RP1: variants seen among roughly 807,000 people sequenced by gnomAD.
RP1 encodes RP1 axonemal microtubule associated.
In RP1, 16 loss-of-function variants were observed where a neutral mutation model predicts 14.8. The observed-to-expected ratio is 1.08, with a 90% CI of 0.73 to 1.65. The LOEUF is 1.65. Ranked by LOEUF, RP1 falls within the 40% of genes most tolerant of loss-of-function variation. The pLI is 0.00. For synonymous variants in RP1, 876 were observed against 883.6 expected (o/e 0.99, Z 0.15); for missense variants, 2,631 against 2,535.0 (o/e 1.04, Z -0.81).
chr8:54,794,489 GAAATAT>G (rs998827709), intron 24 of RP1, among the ~76,000 whole-genome samples: 18 of 122,822 alleles, frequency 1.5e-4, no homozygotes, highest in African/African-American at 4.5e-4. Flanking sequence ...GCACAATGGG[GAAATAT>G]TACCTTTTTC....
intron 1 of RP1, among the ~76,000 whole-genome samples, chr8:54,605,446 G>A (rs1445669940): frequency 2.6e-5 from 4 of 152,094 alleles, no homozygotes; most frequent in African/African-American, 7.2e-5. Context: ...GCTGAGAAGT[G>A]CTTTACTTCC....
At chr8:54,761,495 C>A (rs1360639317) in intron 22 of RP1, among the ~76,000 whole-genome samples, 1 of 152,060 alleles carries the variant, frequency 6.6e-6, no homozygotes, top group African/African-American at 2.4e-5. Flanking sequence ...CCTTAACCTC[C>A]CAAACTGCTG....
chr8:54,802,361 T>C (rs1810733478), intron 24 of RP1, among the ~76,000 whole-genome samples: 1 of 152,188 alleles, frequency 6.6e-6, no homozygotes, highest in Admixed American at 6.5e-5. Context: ...AATGGATCCA[T>C]AAAAGACTGT....
chr8:54,751,209 A>G (rs553068295), intron 19 of RP1, among the ~76,000 whole-genome samples: 3 of 152,340 alleles, frequency 2.0e-5, no homozygotes, highest in Non-Finnish European at 4.4e-5. Context: ...CTAATCATTT[A>G]TAGTTTACAA....
chr8:54,769,790 T>A, exon 23 of RP1: 1 of 1,533,940 alleles, frequency 6.5e-7, no homozygotes. Context: ...AATTGAACTT[T>A]ATCTTCAAGG....
intron 17 of RP1, chr8:54,734,429 C>A: frequency 1.1e-6 from 1 of 889,670 alleles, no homozygotes; most frequent in Non-Finnish European, 1.7e-6. Context: ...GCAGTGCCTC[C>A]TGCTTGCTTC....
chr8:54,630,072 G>C lies in RP1; in HGVS notation c.6190G>C (p.Ala2064Pro). 6.2e-7 allele frequency: 1 copy of C among 1,613,950 alleles called. No homozygotes were observed. The highest frequency in any genetic ancestry group is 8.5e-7 in the Non-Finnish European group (1 of 1,179,932). Reference protein sequence around the residue: ...LSGQTNEIFKAVDENNNLLNN... With the variant: ...LSGQTNEIFKPVDENNNLLNN... ...CGGTCAGACAAATGAAATCTTTAAA[G>C]CAGTCGATGAGAATAACAACTTATT... Residue 2064 changes from alanine to proline, a missense_variant, in exon 4 of 4, where the codon GCA becomes CCA. By Grantham distance (27) the Ala-to-Pro change is conservative. Coordinates refer to ENST00000220676, the MANE Select transcript of RP1 (RefSeq NM_006269.2).
chr8:54,746,903 G>A (rs1809238208), intron 19 of RP1, among the ~76,000 whole-genome samples: 5 of 152,120 alleles, frequency 3.3e-5, no homozygotes. Context: ...CATCCAACCT[G>A]CTTCTCCTTT....
intron 24 of RP1, among the ~76,000 whole-genome samples, chr8:54,831,536 G>C (rs888633694): frequency 6.7e-6 from 1 of 149,638 alleles, no homozygotes; most frequent in African/African-American, 2.5e-5. Flanking sequence ...TTTAAAAAGT[G>C]CTATCCCATT....
At chr8:54,830,146 T>C (rs972397070) in intron 24 of RP1, among the ~76,000 whole-genome samples, 13 of 152,174 alleles carry the variant, frequency 8.5e-5, no homozygotes, top group East Asian at 5.8e-4. Flanking sequence ...CCAAATATGA[T>C]TGCGTATTAG....
At chr8:54,840,736 C>A (rs1254445806) in intron 25 of RP1, among the ~76,000 whole-genome samples, 1 of 151,822 alleles carries the variant, frequency 6.6e-6, no homozygotes, top group Non-Finnish European at 1.5e-5. Flanking sequence ...GTCTTCCCTG[C>A]ATCTTTCTGT....
intron 1 of RP1, among the ~76,000 whole-genome samples, chr8:54,578,899 C>T (rs757846298): frequency 6.6e-6 from 1 of 152,174 alleles, no homozygotes; most frequent in Non-Finnish European, 1.5e-5. Flanking sequence ...AGCCACAGAG[C>T]TGGGATTACA....
chr8:54,796,993 G>A (rs1171876512), intron 24 of RP1, among the ~76,000 whole-genome samples: 1 of 152,182 alleles, frequency 6.6e-6, no homozygotes, highest in Non-Finnish European at 1.5e-5. Context: ...GAAGAGAAAT[G>A]GTGGTTCTGG....
chr8:54,650,139 CA>C (rs372324823), intron 4 of RP1, among the ~76,000 whole-genome samples: 73 of 152,234 alleles, frequency 4.8e-4, no homozygotes, highest in African/African-American at 1.7e-3. Context: ...AAGAAAGGAA[CA>C]CCCTTAACCC....
chr8:54,741,707 GTATATATATATATATATATATATATA>G (rs372225314), intron 19 of RP1, among the ~76,000 whole-genome samples: 885 of 58,062 alleles, frequency 0.015, 46 homozygotes, highest in African/African-American at 0.052. Context: ...AAATGTGTGT[GTATATATATATATATATATATATATA>G]TATATATATA....
At chr8:54,596,527 G>C (rs1805149687) in intron 1 of RP1, among the ~76,000 whole-genome samples, 1 of 152,044 alleles carries the variant, frequency 6.6e-6, no homozygotes, top group Non-Finnish European at 1.5e-5. Context: ...TCACCACCTA[G>C]ATGTCTATGA....
At chr8:54,759,899 A>G (rs1429855611) in intron 22 of RP1, among the ~76,000 whole-genome samples, 2 of 152,304 alleles carry the variant, frequency 1.3e-5, no homozygotes, top group East Asian at 3.9e-4. Context: ...TGAATCTTCA[A>G]TATCGAGGGC....
intron 4 of RP1, among the ~76,000 whole-genome samples, chr8:54,652,400 A>G (rs576542627): frequency 2.0e-5 from 3 of 151,730 alleles, no homozygotes; most frequent in Non-Finnish European, 2.9e-5. Flanking sequence ...CATATGTTCT[A>G]TCCTGGAGAA....
Position 54,630,080 on chromosome 8 carries a change from T to C in RP1, c.6198T>C (p.Asp2066=). 6.2e-7 allele frequency: 1 copy of C among 1,613,906 alleles called. No homozygotes were observed. The highest frequency in any genetic ancestry group is 8.5e-7 in the Non-Finnish European group (1 of 1,179,878). ...CAAATGAAATCTTTAAAGCAGTCGA[T>C]GAGAATAACAACTTATTAAATAACA... ...GQTNEIFKAV[D]ENNNLLNNRF... Residue 2066 remains aspartate (D), a synonymous_variant, in exon 4 of 4, where the codon GAT becomes GAC. Transcript: ENST00000220676.
Sources: allele counts gnomAD v4.1 joint callset (sites outside exome capture counted in the v4.1 genomes callset), GRCh38; gene constraint gnomAD v4.1.1; transcripts MANE v1.5; gene names NCBI Gene and HGNC (gene_info 2026-07-23, HGNC 2026-07-21).